KCTD8: variants seen among roughly 807,000 people sequenced by gnomAD.
KCTD8 encodes the protein BTB/POZ domain-containing protein KCTD8.
In KCTD8, 27 loss-of-function variants were observed where a neutral mutation model predicts 31.5. The observed-to-expected ratio is 0.86, with a 90% CI of 0.63 to 1.18. The LOEUF (loss-of-function observed/expected upper bound fraction) is 1.18. KCTD8 is among the 50% of genes most tolerant of loss of function. The pLI is 0.00. For missense variants in KCTD8, 658 were observed against 647.7 expected (o/e 1.02, Z -0.17); for synonymous variants, 290 against 280.0 (o/e 1.04, Z -0.36).
chr4:44,351,610 C>T (rs1226141328), intron 1 of KCTD8, among the ~76,000 whole-genome samples: 1 of 152,084 alleles, frequency 6.6e-6, no homozygotes, highest in Non-Finnish European at 1.5e-5. Flanking sequence ...ATGAGAGGAA[C>T]ACTGAGTTTT....
At chr4:44,302,731 C>T (rs1181379426) in intron 1 of KCTD8, among the ~76,000 whole-genome samples, 3 of 151,796 alleles carry the variant, frequency 2.0e-5, no homozygotes, top group African/African-American at 7.3e-5. Flanking sequence ...GCCTAATTGC[C>T]CTGGCCAGAA....
chr4:44,226,991 C>T (rs1714982213), intron 1 of KCTD8, among the ~76,000 whole-genome samples: 1 of 151,782 alleles, frequency 6.6e-6, no homozygotes, highest in Non-Finnish European at 1.5e-5. Context: ...CTTTAGGTTG[C>T]CTGTTCACTC....
chr4:44,409,447 G>A (rs572520202), intron 1 of KCTD8, among the ~76,000 whole-genome samples: 104 of 152,174 alleles, frequency 6.8e-4, no homozygotes, highest in African/African-American at 2.4e-3. Context: ...CCCCAGACTC[G>A]AGTGTTTGAG....
At chr4:44,349,532 C>G (rs533678461) in intron 1 of KCTD8, among the ~76,000 whole-genome samples, 1 of 152,252 alleles carries the variant, frequency 6.6e-6, no homozygotes, top group South Asian at 2.1e-4. Flanking sequence ...GGTTCAAAAG[C>G]TAATGTCATC....
In KCTD8 at chr4:44,407,350, G is replaced by A. The variant is rs145844623; in HGVS notation, c.961+40213C>T. 9.3e-3 allele frequency among the ~76,000 whole-genome samples: 1,406 copies of A among 150,424 alleles called. 30 individuals carry two copies. The highest frequency in any genetic ancestry group is 0.032 in the African/African-American group (1,319 of 40,950). Reference sequence around the variant, plus strand: ...AAATCTACTTCATTCTACTTACTCCGATATAGTCATGACATTAATTTTTCT... The same window carrying A: ...AAATCTACTTCATTCTACTTACTCCAATATAGTCATGACATTAATTTTTCT... On this transcript the variant is annotated intron_variant, in intron 1 of 1. Coordinates refer to ENST00000360029, the MANE Select transcript of KCTD8 (RefSeq NM_198353.3).
intron 1 of KCTD8, among the ~76,000 whole-genome samples, chr4:44,389,323 TG>T (rs1342616533): frequency 6.6e-6 from 1 of 151,778 alleles, no homozygotes; most frequent in East Asian, 1.9e-4. Flanking sequence ...CTTGAGGTGA[TG>T]GAAACCTCAT....
intron 1 of KCTD8, among the ~76,000 whole-genome samples, chr4:44,275,080 A>AG (rs1716715068): frequency 6.6e-6 from 1 of 152,022 alleles, no homozygotes; most frequent in South Asian, 2.1e-4. Context: ...TACATATGAG[A>AG]CAGGATAAAG....
chr4:44,349,645 T>A (rs1459273835), intron 1 of KCTD8, among the ~76,000 whole-genome samples: 1 of 152,178 alleles, frequency 6.6e-6, no homozygotes, highest in Non-Finnish European at 1.5e-5. Flanking sequence ...TTTCCATGAC[T>A]GCCATCCCCT....
intron 1 of KCTD8, among the ~76,000 whole-genome samples, chr4:44,188,051 AGCAAC>A (rs1226038203): frequency 6.6e-6 from 1 of 151,932 alleles, no homozygotes; most frequent in Non-Finnish European, 1.5e-5. Flanking sequence ...TTGCAGGAGC[AGCAAC>A]AATTGCCAGC....
intron 1 of KCTD8, among the ~76,000 whole-genome samples, chr4:44,359,259 T>A (rs1719436051): frequency 6.6e-6 from 1 of 152,096 alleles, no homozygotes; most frequent in Non-Finnish European, 1.5e-5. Context: ...CTGAATGGTA[T>A]TGCCCAGGTT....
intron 1 of KCTD8, among the ~76,000 whole-genome samples, chr4:44,283,815 C>A (rs950525980): frequency 4.6e-5 from 7 of 152,128 alleles, no homozygotes; most frequent in African/African-American, 1.7e-4. Context: ...AAATCACAAG[C>A]ATTCCTGTAC....
chr4:44,292,225 C>G (rs572734538), intron 1 of KCTD8, among the ~76,000 whole-genome samples: 1 of 151,942 alleles, frequency 6.6e-6, no homozygotes, highest in Non-Finnish European at 1.5e-5. Context: ...AATTGACCTA[C>G]GTGCCCATCG....
intron 1 of KCTD8, among the ~76,000 whole-genome samples, chr4:44,444,089 G>C (rs540752400): frequency 6.6e-6 from 1 of 152,018 alleles, no homozygotes; most frequent in Non-Finnish European, 1.5e-5. Flanking sequence ...CAGATATAAG[G>C]GTTCATGTAG....
chr4:44,312,027 C>A (rs1007243404), intron 1 of KCTD8, among the ~76,000 whole-genome samples: 4 of 151,962 alleles, frequency 2.6e-5, no homozygotes, highest in Admixed American at 6.6e-5. Flanking sequence ...TTACAAGTCT[C>A]ACATTCTTCT....
At chr4:44,386,893 G>T (rs1180879220) in intron 1 of KCTD8, among the ~76,000 whole-genome samples, 1 of 151,664 alleles carries the variant, frequency 6.6e-6, no homozygotes, top group Non-Finnish European at 1.5e-5. Context: ...TGAGGCAAGA[G>T]AAAGAAATAA....
intron 1 of KCTD8, among the ~76,000 whole-genome samples, chr4:44,299,429 T>C (rs190484202): frequency 7.2e-4 from 110 of 152,258 alleles, no homozygotes; most frequent in African/African-American, 2.5e-3. Context: ...TTCTTTCTTC[T>C]TGCATAAAAA....
At chr4:44,246,559 A>T (rs1577573337) in intron 1 of KCTD8, among the ~76,000 whole-genome samples, 2 of 152,016 alleles carry the variant, frequency 1.3e-5, no homozygotes, top group African/African-American at 4.8e-5. Context: ...CTATTCTGAA[A>T]ATTAAAAACT....
intron 1 of KCTD8, among the ~76,000 whole-genome samples, chr4:44,260,237 T>C (rs988399661): frequency 7.9e-5 from 12 of 151,870 alleles, no homozygotes; most frequent in African/African-American, 2.7e-4. Context: ...TGATATTTTC[T>C]AGGAAATATT....
intron 1 of KCTD8, among the ~76,000 whole-genome samples, chr4:44,272,755 T>C (rs1345194781): frequency 6.6e-6 from 1 of 152,072 alleles, no homozygotes; most frequent in Non-Finnish European, 1.5e-5. Flanking sequence ...GAGACAATGA[T>C]GAGTGAGACA....
Sources: allele counts gnomAD v4.1 joint callset (sites outside exome capture counted in the v4.1 genomes callset), GRCh38; gene constraint gnomAD v4.1.1; transcripts MANE v1.5; gene names NCBI Gene and HGNC (gene_info 2026-07-23, HGNC 2026-07-21).